Variants in SOX6 observed in about 807,000 individuals in gnomAD.
SOX6 encodes SRY-box transcription factor 6, also known as transcription factor SOX-6.
A neutral mutation model predicts 97.8 loss-of-function variants in SOX6; 11 were observed. That is an observed-to-expected ratio of 0.11 (90% CI 0.07 to 0.19). The LOEUF is 0.19. SOX6 is among the 10% of genes least tolerant of loss of function. The pLI is 1.00. For missense variants in SOX6, 810 were observed against 1,039.5 expected, an observed-to-expected ratio of 0.78 and a Z score of 3.04; for synonymous variants, 360 against 371.4, an observed-to-expected ratio of 0.97 and a Z score of 0.35.
chr11:16,067,551 C>T (rs762670983), intron 9 of SOX6, among the ~76,000 whole-genome samples: 2 of 152,132 alleles, frequency 1.3e-5, no homozygotes, highest in Non-Finnish European at 2.9e-5. Context: ...TCCATTAAAC[C>T]TCTTTTTCTT....
chr11:16,298,055 T>C (rs934122074), intron 3 of SOX6, among the ~76,000 whole-genome samples: 2 of 152,216 alleles, frequency 1.3e-5, no homozygotes, highest in Admixed American at 1.3e-4. Context: ...TTGTCAATTA[T>C]AGTCTTAAAG....
intron 4 of SOX6, among the ~76,000 whole-genome samples, chr11:16,589,665 T>G (rs1467373432): frequency 6.6e-6 from 1 of 152,156 alleles, no homozygotes; most frequent in Non-Finnish European, 1.5e-5. Context: ...CCAAAATTTA[T>G]TTAATCATCA....
chr11:16,585,924 C>G (rs1848087472), intron 4 of SOX6, among the ~76,000 whole-genome samples: 1 of 152,102 alleles, frequency 6.6e-6, no homozygotes, highest in Non-Finnish European at 1.5e-5. Flanking sequence ...CTTAAGCAAT[C>G]CACCTGCCTC....
intron 4 of SOX6, among the ~76,000 whole-genome samples, chr11:16,219,836 T>A (rs10832563): frequency 0.48 from 72,436 of 151,596 alleles, 17,485 homozygotes; most frequent in South Asian, 0.61. Context: ...AAACTAAAGA[T>A]ATACCCAGAG....
intron 6 of SOX6, among the ~76,000 whole-genome samples, chr11:16,118,346 G>T (rs1224697307): frequency 6.6e-6 from 1 of 152,224 alleles, no homozygotes; most frequent in African/African-American, 2.4e-5. Flanking sequence ...TACATGCCCA[G>T]AAATTTTAAT....
At chr11:16,615,677 T>C (rs527326559) in intron 3 of SOX6, among the ~76,000 whole-genome samples, 1 of 152,302 alleles carries the variant, frequency 6.6e-6, no homozygotes, top group East Asian at 1.9e-4. Flanking sequence ...AAAACATACA[T>C]GTCAGCTATA....
At chr11:16,561,017 G>A (rs922398543) in intron 4 of SOX6, among the ~76,000 whole-genome samples, 3 of 151,810 alleles carry the variant, frequency 2.0e-5, no homozygotes, top group African/African-American at 7.3e-5. Context: ...TTGGATACAG[G>A]GTATACTACT....
chr11:16,084,544 G>T (rs538504590), intron 9 of SOX6, among the ~76,000 whole-genome samples: 1 of 152,148 alleles, frequency 6.6e-6, no homozygotes, highest in African/African-American at 2.4e-5. Flanking sequence ...CCCTACTGAG[G>T]GGGTGTCATT....
chr11:16,117,602 A>G (rs1289080512), intron 6 of SOX6, among the ~76,000 whole-genome samples: 3 of 152,198 alleles, frequency 2.0e-5, no homozygotes, highest in Non-Finnish European at 4.4e-5. Flanking sequence ...GGTAAGGGGA[A>G]AAGACAAGGA....
chr11:16,029,647 CA>C (rs1037892628), intron 12 of SOX6, among the ~76,000 whole-genome samples: 27 of 141,050 alleles, frequency 1.9e-4, no homozygotes, highest in Non-Finnish European at 3.0e-4. Context: ...AAAAAAAAAA[CA>C]AAAAAAAAAC....
chr11:16,126,380 T>A (rs1849614795), intron 6 of SOX6, among the ~76,000 whole-genome samples: 1 of 152,122 alleles, frequency 6.6e-6, no homozygotes, highest in South Asian at 2.1e-4. Context: ...AATACTGCAC[T>A]ACAACTGTAG....
At chr11:16,558,554 C>T (rs1467544140) in intron 4 of SOX6, among the ~76,000 whole-genome samples, 6 of 151,948 alleles carry the variant, frequency 3.9e-5, no homozygotes, top group African/African-American at 1.4e-4. Flanking sequence ...AGAACTTTTA[C>T]CCAAAGCAGA....
chr11:16,504,538 T>G (rs1341763907), intron 4 of SOX6, among the ~76,000 whole-genome samples: 1 of 150,700 alleles, frequency 6.6e-6, no homozygotes. Context: ...GATAAAGACC[T>G]CTACAAGGAA....
chr11:16,528,139 C>A (rs1404757939), intron 4 of SOX6, among the ~76,000 whole-genome samples: 1 of 151,954 alleles, frequency 6.6e-6, no homozygotes, highest in African/African-American at 2.4e-5. Context: ...TAACATAAGG[C>A]ACAGGATAAG....
At chr11:16,198,865 A>G (rs1381806834) in intron 4 of SOX6, among the ~76,000 whole-genome samples, 1 of 152,214 alleles carries the variant, frequency 6.6e-6, no homozygotes, top group Admixed American at 6.5e-5. Flanking sequence ...TTAGGTAAGA[A>G]TCTACTCTAG....
chr11:16,596,115 C>T (rs1431467861), intron 4 of SOX6, among the ~76,000 whole-genome samples: 1 of 152,202 alleles, frequency 6.6e-6, no homozygotes, highest in African/African-American at 2.4e-5. Context: ...TAAAAGCTTT[C>T]AGACACAGCT....
chr11:16,729,361 T>G (rs1848331663), intron 2 of SOX6, among the ~76,000 whole-genome samples: 1 of 152,134 alleles, frequency 6.6e-6, no homozygotes, highest in African/African-American at 2.4e-5. Context: ...GGGAAGCCCA[T>G]AAGACTAACA....
At chr11:16,259,799 T>C (rs1853819113) in intron 3 of SOX6, among the ~76,000 whole-genome samples, 1 of 152,016 alleles carries the variant, frequency 6.6e-6, no homozygotes, top group Non-Finnish European at 1.5e-5. Flanking sequence ...TCTTCCAGGA[T>C]ACTAGAAATG....
intron 3 of SOX6, among the ~76,000 whole-genome samples, chr11:16,701,997 C>T (rs73421104): frequency 0.023 from 3,536 of 152,262 alleles, 145 homozygotes; most frequent in African/African-American, 0.081. Flanking sequence ...ATCGGCACTC[C>T]TCCTGTTCTT....
Sources: gnomAD v4.1 joint callset for allele counts (sites outside exome capture counted in the v4.1 genomes callset) on GRCh38, gnomAD v4.1.1 for gene constraint, MANE v1.5 for transcripts, NCBI Gene and HGNC (gene_info 2026-07-23, HGNC 2026-07-21) for gene names.